Variants in FHIP1A observed in about 807,000 individuals in gnomAD.
FHIP1A encodes the protein FHF complex subunit HOOK interacting protein 1A, also known as FHF complex subunit HOOK-interacting protein 1A.
FHIP1A carries 61 observed loss-of-function variants against 88.6 expected under a neutral mutation model. The ratio of observed to expected loss-of-function variants is 0.69; its 90% CI spans 0.56 to 0.85. The LOEUF is 0.85. FHIP1A is among the 40% of genes least tolerant of loss of function. FHIP1A has a pLI of 0.00. For synonymous variants in FHIP1A, 478 were observed against 496.0 expected, an observed-to-expected ratio of 0.96 and a Z score of 0.48; for missense variants, 1,154 against 1,273.5, an observed-to-expected ratio of 0.91 and a Z score of 1.43.
chr4:151,450,669 C>G (rs1250339509), intron 1 of FHIP1A, among the ~76,000 whole-genome samples: 1 of 152,118 alleles, frequency 6.6e-6, no homozygotes, highest in African/African-American at 2.4e-5. Context: ...CAACAAATGT[C>G]TTTAAGATTT....
At chr4:151,443,955 A>T (rs1325570445) in intron 1 of FHIP1A, among the ~76,000 whole-genome samples, 2 of 151,886 alleles carry the variant, frequency 1.3e-5, no homozygotes, top group African/African-American at 4.8e-5. Context: ...GAGAGATGGG[A>T]GTGCTAACTG....
chr4:151,620,856 C>T (rs1487271871), intron 7 of FHIP1A, among the ~76,000 whole-genome samples: 1 of 147,864 alleles, frequency 6.8e-6, no homozygotes, highest in African/African-American at 2.5e-5. Flanking sequence ...GAAAGGGTCC[C>T]ACCCTCCCTA....
chr4:151,496,231 G>T (rs952488504), intron 3 of FHIP1A, among the ~76,000 whole-genome samples: 1 of 149,042 alleles, frequency 6.7e-6, no homozygotes, highest in Admixed American at 6.7e-5. Flanking sequence ...ATAAACAAAA[G>T]ATTATATATA....
intron 3 of FHIP1A, among the ~76,000 whole-genome samples, chr4:151,509,759 T>TTGTG (rs113966280): frequency 0.041 from 6,097 of 147,074 alleles, 296 homozygotes; most frequent in African/African-American, 0.12. Context: ...GTCTCTATGT[T>TTGTG]TGTGTGTGTG....
chr4:151,657,009 A>G, intron 13 of FHIP1A, 111 bp downstream of exon 13: 1 of 1,122,896 alleles, frequency 8.9e-7, no homozygotes, highest in South Asian at 1.8e-5. Context: ...AGAAGCATTC[A>G]GAGATATTTT....
intron 7 of FHIP1A, among the ~76,000 whole-genome samples, chr4:151,598,886 C>T (rs910846160): frequency 2.6e-5 from 4 of 152,120 alleles, no homozygotes; most frequent in Admixed American, 6.5e-5. Context: ...TGAACCACCT[C>T]GAGGCTATTT....
At chr4:151,516,853 G>A (rs1433974300) in intron 3 of FHIP1A, among the ~76,000 whole-genome samples, 5 of 151,626 alleles carry the variant, frequency 3.3e-5, no homozygotes, top group African/African-American at 1.2e-4. Context: ...CACTGTTGGT[G>A]GGACTGTAAA....
chr4:151,587,048 A>G (rs1017329522), intron 6 of FHIP1A, among the ~76,000 whole-genome samples: 1 of 152,192 alleles, frequency 6.6e-6, no homozygotes, highest in South Asian at 2.1e-4. Context: ...TGTTTTGATT[A>G]TCTACTTAAC....
chr4:151,646,782 A>C (rs184337604), intron 10 of FHIP1A, 34 bp downstream of exon 10: 73 of 1,436,706 alleles, frequency 5.1e-5, no homozygotes, highest in Admixed American at 2.4e-4. Flanking sequence ...TTTAAACAAA[A>C]GGATGCCAGT....
At chr4:151,482,469 A>T (rs1262148353) in intron 2 of FHIP1A, 55 bp from the exon 3 acceptor site, 1 of 152,070 alleles carries the variant, frequency 6.6e-6, no homozygotes, top group Non-Finnish European at 1.5e-5. Context: ...AAAAATAGAG[A>T]TACTCAGATT....
At chr4:151,487,335 G>T (rs936680829) in intron 3 of FHIP1A, among the ~76,000 whole-genome samples, 7 of 150,916 alleles carry the variant, frequency 4.6e-5, no homozygotes, top group Non-Finnish European at 8.9e-5. Context: ...TTTTTTCTCT[G>T]TTCATCCCTT....
At chr4:151,509,652 AGAAGGCTAGC>A (rs1730956665) in intron 3 of FHIP1A, among the ~76,000 whole-genome samples, 1 of 152,156 alleles carries the variant, frequency 6.6e-6, no homozygotes, top group African/African-American at 2.4e-5. Context: ...GGTGACCAAT[AGAAGGCTAGC>A]TTTCAGGTAG....
At chr4:151,561,451 TTTAGGTTTAATAGGATTTTA>T (rs149583859) in intron 3 of FHIP1A, among the ~76,000 whole-genome samples, 5,117 of 152,042 alleles carry the variant, frequency 0.034, 290 homozygotes, top group African/African-American at 0.12. Context: ...ACAGGGAGGA[TTTAGGTTTAATAGGATTTTA>T]TGAGGCTCTA....
intron 3 of FHIP1A, among the ~76,000 whole-genome samples, chr4:151,527,311 T>G (rs1344460652): frequency 6.6e-6 from 1 of 152,290 alleles, no homozygotes; most frequent in African/African-American, 2.4e-5. Context: ...CACTCGCGGT[T>G]AGGAGCTGGA....
chr4:151,521,030 T>G (rs1035774029), intron 3 of FHIP1A, among the ~76,000 whole-genome samples: 5 of 152,230 alleles, frequency 3.3e-5, no homozygotes, highest in Non-Finnish European at 7.3e-5. Context: ...ACATGTCCTA[T>G]GTATTGTCAG....
chr4:151,663,371 G>C lies in FHIP1A; in HGVS notation c.*617G>C, dbSNP rs1021635057. ...GCCTCAGCTATCTGCCTGGGAAGTC[G>C]GATGTCCTTGGAGAGAATTTGGAAT... On this transcript the variant is annotated 3_prime_UTR_variant, in exon 14 of 14. Coordinates refer to ENST00000435205, the MANE Select transcript of FHIP1A (RefSeq NM_001109977.3). 6 of 152,160 alleles carry C rather than the reference G, an allele frequency of 3.9e-5. No individual in the cohort carries two copies. The highest frequency in any genetic ancestry group is 6.5e-5 in the Admixed American group (1 of 15,280). The allele number at this position is 152,160 out of a possible 1,614,324, so 9.4% of individuals were successfully genotyped here. A position where few individuals can be genotyped will look rare whatever the true frequency, so the allele number is the denominator to read the frequency against.
intron 3 of FHIP1A, among the ~76,000 whole-genome samples, chr4:151,524,665 A>G (rs916366673): frequency 4.5e-4 from 69 of 152,236 alleles, no homozygotes; most frequent in African/African-American, 1.6e-3. Flanking sequence ...TAGATAATGC[A>G]GAACTAAAGG....
intron 3 of FHIP1A, among the ~76,000 whole-genome samples, chr4:151,490,135 C>T (rs1053461165): frequency 2.6e-5 from 4 of 152,334 alleles, no homozygotes; most frequent in South Asian, 2.1e-4. Flanking sequence ...ACCTGCAACA[C>T]CCTGGCTAAC....
At chr4:151,411,037 A>C (rs1297308353) in intron 1 of FHIP1A, among the ~76,000 whole-genome samples, 1 of 152,194 alleles carries the variant, frequency 6.6e-6, no homozygotes, top group Admixed American at 6.5e-5. Context: ...TTTAGGTCCA[A>C]CTGCCCAGCT....
Sources: gnomAD v4.1 joint callset for allele counts (sites outside exome capture counted in the v4.1 genomes callset) on GRCh38, gnomAD v4.1.1 for gene constraint, MANE v1.5 for transcripts, NCBI Gene and HGNC (gene_info 2026-07-23, HGNC 2026-07-21) for gene names.